Variants in NUGGC observed in about 807,000 individuals in gnomAD.
NUGGC encodes the protein nuclear GTPase SLIP-GC.
A neutral mutation model predicts 92.6 loss-of-function variants in NUGGC; 58 were observed. That is an observed-to-expected ratio of 0.63 (90% CI 0.51 to 0.78). The LOEUF (loss-of-function observed/expected upper bound fraction) is 0.78, where lower values mean the gene tolerates loss of function less well. Ranked by LOEUF, NUGGC falls within the 30% of genes least tolerant of loss-of-function variation. The pLI, the probability that NUGGC is intolerant of heterozygous loss-of-function variation, is 0.00. For missense variants in NUGGC, 925 were observed against 964.6 expected (o/e 0.96, Z 0.54); for synonymous variants, 376 against 366.4 (o/e 1.03, Z -0.30).
At chr8:28,065,193 C>T (rs2130237082) in intron 6 of NUGGC, among the ~76,000 whole-genome samples, 1 of 108,748 alleles carries the variant, frequency 9.2e-6, no homozygotes, top group African/African-American at 3.7e-5. Context: ...CAGAGTCTTG[C>T]TCTGTTGCCC....
At chr8:28,040,107 G>C (rs1809654391) in intron 13 of NUGGC, among the ~76,000 whole-genome samples, 1 of 152,264 alleles carries the variant, frequency 6.6e-6, no homozygotes, top group African/African-American at 2.4e-5. Context: ...TGGACTTTCA[G>C]CCTTCAGAAC....
Position 28,022,147 on chromosome 8 carries a change from TTTTC to T in NUGGC, c.*1166_*1169del, listed in dbSNP as rs1324214960. The T allele has an allele frequency of 7.1e-6, 1 of 141,612 alleles. No homozygotes were observed. The highest frequency in any genetic ancestry group is 2.2e-4 in the South Asian group (1 of 4,596). 8.8% of individuals were successfully genotyped at this position (141,612 alleles called of 1,614,324 possible). ...TGTGTGTGTGTATATATATATATTT[TTTTC>T]TTTTTCTTTTTTTTTTTTTTTTTTT... On this transcript the variant is annotated 3_prime_UTR_variant, in exon 19 of 19. Transcript: ENST00000413272.
chr8:28,053,192 C>A (rs371032896), intron 10 of NUGGC, among the ~76,000 whole-genome samples: 1 of 152,210 alleles, frequency 6.6e-6, no homozygotes, highest in East Asian at 1.9e-4. Context: ...GGCATTGTGG[C>A]TCACACCTGT....
In NUGGC at chr8:28,061,790, G is replaced by C. The variant is rs191608938; in HGVS notation, c.922-1189C>G. The stretch of plus-strand genomic sequence containing the variant: ...GACATTTTTAATTGTGACAACCTTG[G>C]GGGGGTACTTGAAGGTAAAGGCCGA... On this transcript the variant is annotated intron_variant, in intron 7 of 18. Transcript: ENST00000413272. Among the ~76,000 whole-genome samples the C allele has an allele frequency of 5.2e-3, 788 of 152,150 alleles. 2 individuals carry two copies. The highest frequency in any genetic ancestry group is 0.024 in the Middle Eastern group (7 of 294).
chr8:28,046,406 G>A (rs1809835619), intron 11 of NUGGC, among the ~76,000 whole-genome samples: 1 of 152,148 alleles, frequency 6.6e-6, no homozygotes, highest in Non-Finnish European at 1.5e-5. Flanking sequence ...GACCCTGCCT[G>A]CCCACCCACT....
chr8:28,060,548 A>C lies in NUGGC; in HGVS notation c.975T>G (p.Ser325=). ...GAAGGTCTTCGTGGGCTTGCCCCCC[A>C]GAAACTCGCTCTATGTCGCTGATCA... ...IWVISDIERV[S]GGQAHEDLLN... is the part of the protein sequence containing the mutation. The change falls in exon 8 of 19, where the codon TCT becomes TCG. Residue 325 remains serine (S), a synonymous_variant. Transcript: ENST00000413272. 6.2e-7 allele frequency: 1 copy of C among 1,613,766 alleles called. No homozygotes were observed. Among genetic ancestry groups the C allele is most frequent in the Non-Finnish European group, 8.5e-7 (1 of 1,179,788 alleles).
At chr8:28,052,948 C>G (rs986098935) in intron 10 of NUGGC, among the ~76,000 whole-genome samples, 4 of 152,084 alleles carry the variant, frequency 2.6e-5, no homozygotes, top group Middle Eastern at 3.2e-3. Context: ...TTGGTGTAGA[C>G]AGTAATTCCA....
At position 28,030,395 on chromosome 8, in the gene NUGGC, C is replaced by T. The variant is rs367607568; in HGVS notation, c.1932G>A (p.Leu644=). 1.3e-5 allele frequency: 21 copies of T among 1,574,276 alleles called. No homozygotes were observed. In the African/African-American group the frequency reaches 2.8e-4, roughly 21 times the overall value. ...IQEISAILGG[L]EDHILRRKRR... ...TCTTCCTTCTGAGGATGTGGTCCTC[C>T]AGGCCCCCGAGGATGGCACTTATCT... is the stretch of plus-strand genomic sequence containing the variant. Residue 644 remains leucine (L), a synonymous_variant, in exon 16 of 19, where the codon CTG becomes CTA. Coordinates refer to ENST00000413272, the MANE Select transcript of NUGGC (RefSeq NM_001010906.2).
At chr8:28,067,227 G>C (rs1810459372) in intron 6 of NUGGC, among the ~76,000 whole-genome samples, 1 of 152,116 alleles carries the variant, frequency 6.6e-6, no homozygotes, top group Admixed American at 6.5e-5. Flanking sequence ...GCCACTATAA[G>C]TCTTCTTAAA....
At chr8:28,054,819 A>T (rs1487411393) in intron 10 of NUGGC, among the ~76,000 whole-genome samples, 2 of 152,082 alleles carry the variant, frequency 1.3e-5, no homozygotes, top group African/African-American at 4.8e-5. Context: ...AGGCTGAGGC[A>T]GGAGGATCAC....
intron 1 of NUGGC, among the ~76,000 whole-genome samples, chr8:28,077,616 T>A (rs1810755706): frequency 6.6e-6 from 1 of 151,878 alleles, no homozygotes; most frequent in South Asian, 2.1e-4. Context: ...AGGAAAAAGA[T>A]CTGTTGTTTT....
At position 28,047,567 on chromosome 8, in the gene NUGGC, C is replaced by T; in HGVS notation, c.1252G>A (p.Val418Met). ...TACTCCTGGGCGCTGACTGTATACA[C>T]CAGATCTGAGGCTTCCAGAACCTTG... ...DFKVLEASDL[V>M]YTVSAQEYWQ... The change falls in exon 11 of 19, where the codon GTG becomes ATG. Residue 418 changes from valine (V) to methionine (M), a missense_variant. Coordinates refer to ENST00000413272, the MANE Select transcript of NUGGC (RefSeq NM_001010906.2). 6.4e-7 allele frequency: 1 copy of T among 1,570,960 alleles called. No homozygotes were observed. Among genetic ancestry groups the T allele is most frequent in the Non-Finnish European group, 8.6e-7 (1 of 1,156,832 alleles).
chr8:28,037,032 C>T (rs554505797), intron 13 of NUGGC, among the ~76,000 whole-genome samples: 8 of 152,102 alleles, frequency 5.3e-5, no homozygotes, highest in Admixed American at 3.9e-4. Context: ...ACCCTGCTAA[C>T]GCTGTACATA....
At chr8:28,053,567 G>A (rs779077563) in intron 10 of NUGGC, among the ~76,000 whole-genome samples, 1 of 152,184 alleles carries the variant, frequency 6.6e-6, no homozygotes, top group Non-Finnish European at 1.5e-5. Flanking sequence ...AGTGGTTGGA[G>A]AATGAAGGCA....
At position 28,041,042 on chromosome 8, in the gene NUGGC, G is replaced by A; in HGVS notation, c.1611+9C>T. On this transcript the variant is annotated intron_variant, in intron 13 of 18. Coordinates refer to ENST00000413272, the MANE Select transcript of NUGGC (RefSeq NM_001010906.2). ...GAATATCTGAGTTTTCCCTGGAAGG[G>A]TCACTCACCACCAAGCATGCTCTGA... 6.3e-7 allele frequency: 1 copy of A among 1,593,824 alleles called. No individual in the cohort carries two copies. Among genetic ancestry groups the A allele is most frequent in the Non-Finnish European group, 8.6e-7 (1 of 1,169,444 alleles).
Position 28,023,133 on chromosome 8 carries a change from G to A in NUGGC, c.*184C>T. On this transcript the variant is annotated 3_prime_UTR_variant, in exon 19 of 19. Coordinates refer to ENST00000413272, the MANE Select transcript of NUGGC (RefSeq NM_001010906.2). ...TGTACCTGTAGCCCCAGCTGCTCTG[G>A]AGGCTGAGGCTGGAGGATCGCTTGA... 1 of 596,354 alleles carries A rather than the reference G, an allele frequency of 1.7e-6. No homozygotes were observed. The highest frequency in any genetic ancestry group is 2.5e-5 in the South Asian group (1 of 39,936). The allele number at this position is 596,354 out of a possible 1,614,324, so 36.9% of individuals were successfully genotyped here. A position where few individuals can be genotyped will look rare whatever the true frequency, so the allele number is the denominator to read the frequency against.
intron 7 of NUGGC, among the ~76,000 whole-genome samples, chr8:28,062,899 A>G (rs1012558059): frequency 7.2e-5 from 11 of 152,242 alleles, no homozygotes; most frequent in African/African-American, 2.7e-4. Flanking sequence ...TTAGTGTCGC[A>G]GAAGATACAA....
intron 7 of NUGGC, among the ~76,000 whole-genome samples, chr8:28,062,730 G>C (rs1810337164): frequency 6.6e-6 from 1 of 152,192 alleles, no homozygotes; most frequent in African/African-American, 2.4e-5. Context: ...TGCTCCTTAA[G>C]GGCAGGGCCC....
chr8:28,064,698 T>C lies in NUGGC; in HGVS notation c.745A>G (p.Ile249Val). The C allele has an allele frequency of 1.9e-6, 3 of 1,614,004 alleles. No individual in the cohort carries two copies. Among genetic ancestry groups the C allele is most frequent in the Non-Finnish European group, 2.5e-6 (3 of 1,179,886 alleles). ...TCCCAATCTCTCCTCTGTGTGCGGATGTAGGGGTCCAGCTTGATGGACAGC... is the reference window on the plus strand; with the variant it reads ...TCCCAATCTCTCCTCTGTGTGCGGACGTAGGGGTCCAGCTTGATGGACAGC... ...EELSIKLDPY[I>V]RTQRRDWDGE... The change falls in exon 7 of 19, where the codon ATC becomes GTC. Residue 249 changes from isoleucine to valine, a missense_variant. Physicochemically the swap from Ile to Val is conservative, Grantham distance 29. Coordinates refer to ENST00000413272, the MANE Select transcript of NUGGC (RefSeq NM_001010906.2).
Sources: allele counts gnomAD v4.1 joint callset (sites outside exome capture counted in the v4.1 genomes callset), GRCh38; gene constraint gnomAD v4.1.1; transcripts MANE v1.5; gene names NCBI Gene and HGNC (gene_info 2026-07-23, HGNC 2026-07-21).